The following ZNF680 variants were observed in gnomAD, a reference collection of about 807,000 sequenced individuals.
The protein encoded by ZNF680 is zinc finger protein 680, also known as hypothetical protein FLJ90430.
Under a neutral mutation model 12.1 loss-of-function variants are expected in ZNF680, and 6 were observed. That is an observed-to-expected ratio of 0.49 (90% CI 0.27 to 0.98). ZNF680 has a LOEUF of 0.98. Among genes scored for constraint, ZNF680 ranks in the 50% least tolerant of loss-of-function variants. The pLI, the probability that ZNF680 is intolerant of heterozygous loss-of-function variation, is 0.12. For missense variants in ZNF680, 561 were observed against 616.3 expected (o/e 0.91, Z 0.95); for synonymous variants, 170 against 199.3 (o/e 0.85, Z 1.24).
chr7:64,534,202 A>G (rs1786035830), intron 3 of ZNF680, among the ~76,000 whole-genome samples: 2 of 152,352 alleles, frequency 1.3e-5, no homozygotes, highest in South Asian at 2.1e-4. Context: ...GCACAGCAAA[A>G]GGAACAGTCA....
intron 1 of ZNF680, among the ~76,000 whole-genome samples, chr7:64,548,283 T>C (rs1190322713): frequency 9.2e-5 from 14 of 152,220 alleles, no homozygotes; most frequent in Admixed American, 4.6e-4. Flanking sequence ...ATACAAACAA[T>C]AACAACTCTT....
intron 1 of ZNF680, among the ~76,000 whole-genome samples, chr7:64,558,620 T>C (rs1027885697): frequency 6.6e-6 from 1 of 151,976 alleles, no homozygotes; most frequent in Non-Finnish European, 1.5e-5. Context: ...CGGAAGGGGA[T>C]TGGGAGGGTC....
the ZNF680 span, among the ~76,000 whole-genome samples, chr7:64,510,816 A>G: frequency 0.42 from 51,739 of 123,822 alleles, 12,658 homozygotes; most frequent in African/African-American, 0.59. Flanking sequence ...AGGCTGAGGC[A>G]GGAGAATGGC....
At chr7:64,533,859 T>A (rs995341654) in intron 3 of ZNF680, among the ~76,000 whole-genome samples, 6 of 151,912 alleles carry the variant, frequency 3.9e-5, no homozygotes, top group Non-Finnish European at 8.8e-5. Flanking sequence ...AGAAATAAAC[T>A]CAAATACTTA....
At chr7:64,554,125 C>T (rs1230717238) in intron 1 of ZNF680, among the ~76,000 whole-genome samples, 1 of 150,968 alleles carries the variant, frequency 6.6e-6, no homozygotes. Context: ...GCCGTCATCC[C>T]GTCTAGGAAG....
At chr7:64,513,877 C>T in the ZNF680 span, among the ~76,000 whole-genome samples, 2 of 152,034 alleles carry the variant, frequency 1.3e-5, no homozygotes, top group Non-Finnish European at 2.9e-5. Context: ...ATTTCCTGAC[C>T]TCATGATCCA....
At chr7:64,557,809 C>T (rs1269832950) in intron 1 of ZNF680, among the ~76,000 whole-genome samples, 2 of 152,126 alleles carry the variant, frequency 1.3e-5, no homozygotes, top group Non-Finnish European at 2.9e-5. Context: ...TTGCTTGAAC[C>T]CCGGAGGCGG....
At chr7:64,504,544 T>C in the ZNF680 span, among the ~76,000 whole-genome samples, 1 of 152,358 alleles carries the variant, frequency 6.6e-6, no homozygotes, top group East Asian at 1.9e-4. Flanking sequence ...AATCTTTTAC[T>C]AAAAGCCTTT....
At chr7:64,561,879 G>C (rs928306295) in intron 1 of ZNF680, among the ~76,000 whole-genome samples, 5 of 145,850 alleles carry the variant, frequency 3.4e-5, no homozygotes, top group Non-Finnish European at 6.0e-5. Context: ...AGCTTGCAGT[G>C]AGCCGAGATC....
chr7:64,545,179 G>A lies in ZNF680; in HGVS notation c.31-747C>T, dbSNP rs558475396. On this transcript the variant is annotated intron_variant, in intron 1 of 3. Transcript: ENST00000309683. ...CTTGGGAGGCTGAGGCAGGAGAATC[G>A]CTTGAACCTGGGAGGTGGAGGTTGC... is the stretch of plus-strand genomic sequence containing the variant. Among the ~76,000 whole-genome samples, 43 of 146,536 alleles carry A rather than the reference G, an allele frequency of 2.9e-4. No homozygotes were observed. The South Asian group carries it at 7.2e-3, about 24-fold the overall frequency.
At position 64,558,182 on chromosome 7, in the gene ZNF680, A is replaced by G. The variant is rs143681127; in HGVS notation, c.30+4743T>C. On this transcript the variant is annotated intron_variant, in intron 1 of 3. Coordinates refer to ENST00000309683, the MANE Select transcript of ZNF680 (RefSeq NM_178558.5). Reference sequence around the variant, plus strand: ...GTACAGAACCGTTGGTTGGTGGAGGAAAAAGGTTGCTGCTGCAGATTCAGT... The same window carrying G: ...GTACAGAACCGTTGGTTGGTGGAGGGAAAAGGTTGCTGCTGCAGATTCAGT... 1.6e-3 allele frequency among the ~76,000 whole-genome samples: 246 copies of G among 152,140 alleles called. 1 individual carries two copies. Among genetic ancestry groups the G allele is most frequent in the Non-Finnish European group, 3.0e-3 (206 of 67,978 alleles).
chr7:64,554,310 G>A (rs909407262), intron 1 of ZNF680, among the ~76,000 whole-genome samples: 8 of 151,816 alleles, frequency 5.3e-5, no homozygotes, highest in African/African-American at 1.2e-4. Context: ...GTCTCTGACC[G>A]GCCACCCAGT....
chr7:64,510,644 T>C, the ZNF680 span, among the ~76,000 whole-genome samples: 43,638 of 148,164 alleles, frequency 0.29, 6,687 homozygotes, highest in East Asian at 0.43. Context: ...GGCGCGGTGG[T>C]TCACGCCTGT....
chr7:64,517,294 G>T (rs1791375527), downstream of ZNF680, among the ~76,000 whole-genome samples: 1 of 151,806 alleles, frequency 6.6e-6, no homozygotes, highest in South Asian at 2.1e-4. Context: ...AAATACAAAA[G>T]ATCATTCAAG....
At position 64,522,133 on chromosome 7, in the gene ZNF680, C is replaced by G. The variant is rs145625716; in HGVS notation, c.621G>C (p.Glu207Asp). The part of the protein sequence containing the change: ...LTQHIRIHTR[E>D]NSYKCEECGK... ...CACATTCCTCACATTTGTAAGAATT[C>G]TCTCTAGTGTGAATTCTTATATGTT... Residue 207 changes from glutamate to aspartate, a missense_variant, in exon 4 of 4, where the codon GAG (glutamate) becomes GAC (aspartate). Physicochemically the swap from Glu to Asp is conservative, Grantham distance 45. Coordinates refer to ENST00000309683, the MANE Select transcript of ZNF680 (RefSeq NM_178558.5). The G allele has an allele frequency of 6.2e-7, 1 of 1,611,584 alleles. No homozygotes were observed. Among genetic ancestry groups the G allele is most frequent in the African/African-American group, 1.3e-5 (1 of 74,940 alleles).
intron 3 of ZNF680, among the ~76,000 whole-genome samples, chr7:64,523,226 A>T (rs887661971): frequency 6.6e-6 from 1 of 152,244 alleles, no homozygotes; most frequent in African/African-American, 2.4e-5. Flanking sequence ...ACATAAAACG[A>T]AATAATTAGC....
chr7:64,504,247 A>G, the ZNF680 span, among the ~76,000 whole-genome samples: 3 of 152,140 alleles, frequency 2.0e-5, no homozygotes, highest in Admixed American at 1.3e-4. Flanking sequence ...TCTTCCGTTT[A>G]TATCAGTGGA....
intron 3 of ZNF680, among the ~76,000 whole-genome samples, chr7:64,535,064 T>C (rs1202628599): frequency 2.0e-5 from 3 of 152,114 alleles, no homozygotes; most frequent in Non-Finnish European, 4.4e-5. Flanking sequence ...TAGTGAATAC[T>C]GCTTACGTGA....
At chr7:64,526,320 A>C (rs914938205) in intron 3 of ZNF680, 1 of 1,197,106 alleles carries the variant, frequency 8.4e-7, no homozygotes, top group East Asian at 3.5e-5. Flanking sequence ...CTTTAAAAAC[A>C]GATAAAAATA....
Sources: gnomAD v4.1 joint callset for allele counts (sites outside exome capture counted in the v4.1 genomes callset) on GRCh38, gnomAD v4.1.1 for gene constraint, MANE v1.5 for transcripts, NCBI Gene and HGNC (gene_info 2026-07-23, HGNC 2026-07-21) for gene names.